LHFPL2: variants seen among roughly 807,000 people sequenced by gnomAD.
The protein encoded by LHFPL2 is LHFPL tetraspan subfamily member 2 protein.
Under a neutral mutation model 17.5 loss-of-function variants are expected in LHFPL2, and 7 were observed. The ratio of observed to expected loss-of-function variants is 0.40; its 90% CI spans 0.23 to 0.75. The LOEUF is 0.75. Among genes scored for constraint, LHFPL2 ranks in the 30% least tolerant of loss-of-function variants. The pLI is 0.37. For synonymous variants in LHFPL2, 134 were observed against 116.2 expected (o/e 1.15, Z -0.99); for missense variants, 241 against 294.8 (o/e 0.82, Z 1.34).
intron 3 of LHFPL2, among the ~76,000 whole-genome samples, chr5:78,525,020 T>C (rs549204158): frequency 6.6e-6 from 1 of 152,350 alleles, no homozygotes; most frequent in African/African-American, 2.4e-5. Flanking sequence ...CACTTGGGGC[T>C]GAATAATTCT....
At chr5:78,528,294 G>T (rs1372641768) in intron 3 of LHFPL2, among the ~76,000 whole-genome samples, 1 of 152,216 alleles carries the variant, frequency 6.6e-6, no homozygotes, top group Non-Finnish European at 1.5e-5. Flanking sequence ...TAGGAACTGG[G>T]CTGCACAGCA....
In LHFPL2 at chr5:78,638,578, G is replaced by A. The variant is rs76942426; in HGVS notation, c.-349-6210C>T. ...ACAATGTTAATGAGGTCGAGGTCACGGGTATGATTAGCTTCCTCTGTATCT... is the reference window on the plus strand; with the variant it reads ...ACAATGTTAATGAGGTCGAGGTCACAGGTATGATTAGCTTCCTCTGTATCT... On this transcript the variant is annotated intron_variant, in intron 1 of 4. Transcript: ENST00000380345. Among the ~76,000 whole-genome samples the A allele has an allele frequency of 3.7e-3, 568 of 152,268 alleles. 2 individuals are homozygous for A. Among genetic ancestry groups the A allele is most frequent in the Non-Finnish European group, 5.8e-3 (395 of 68,016 alleles).
intron 2 of LHFPL2, among the ~76,000 whole-genome samples, chr5:78,568,740 A>T (rs1756922273): frequency 6.6e-6 from 1 of 152,136 alleles, no homozygotes; most frequent in Non-Finnish European, 1.5e-5. Flanking sequence ...CAGAGGGGGA[A>T]AGTCTCAGCA....
intron 2 of LHFPL2, among the ~76,000 whole-genome samples, chr5:78,629,463 G>A (rs559724407): frequency 3.9e-5 from 6 of 152,326 alleles, no homozygotes; most frequent in Middle Eastern, 3.4e-3. Flanking sequence ...AAATGGAATA[G>A]AGCAAACTCT....
At chr5:78,506,357 C>A (rs1031161527) in intron 4 of LHFPL2, among the ~76,000 whole-genome samples, 1 of 152,224 alleles carries the variant, frequency 6.6e-6, no homozygotes, top group Non-Finnish European at 1.5e-5. Flanking sequence ...AGAACAAACA[C>A]AGCCTGAGTG....
At chr5:78,509,643 G>A (rs1475717788) in intron 4 of LHFPL2, 141 bp downstream of exon 4, 12 of 816,504 alleles carry the variant, frequency 1.5e-5, no homozygotes, top group Non-Finnish European at 2.4e-5. Flanking sequence ...CGCCTAGAAC[G>A]GAAGGGGCAA....
intron 2 of LHFPL2, among the ~76,000 whole-genome samples, chr5:78,575,505 C>T (rs1421631954): frequency 2.0e-5 from 3 of 151,966 alleles, no homozygotes; most frequent in African/African-American, 4.8e-5. Flanking sequence ...GCCAAGATTG[C>T]GCCACTGCAC....
chr5:78,526,519 A>G (rs1755625504), intron 3 of LHFPL2, among the ~76,000 whole-genome samples: 1 of 152,160 alleles, frequency 6.6e-6, no homozygotes, highest in African/African-American at 2.4e-5. Context: ...CATCCCAGTG[A>G]TATGCAGTTA....
chr5:78,621,944 C>G (rs1321804936), intron 2 of LHFPL2, among the ~76,000 whole-genome samples: 1 of 152,178 alleles, frequency 6.6e-6, no homozygotes, highest in African/African-American at 2.4e-5. Context: ...CAAGAATGGT[C>G]CTCACTAGTC....
At chr5:78,546,168 T>C (rs1035012461) in intron 3 of LHFPL2, among the ~76,000 whole-genome samples, 1 of 152,224 alleles carries the variant, frequency 6.6e-6, no homozygotes, top group African/African-American at 2.4e-5. Flanking sequence ...CACACATTGT[T>C]AAGATTATAC....
At chr5:78,490,746 C>CAAAAAAAAAAAAAAA (rs370809060) in intron 4 of LHFPL2, among the ~76,000 whole-genome samples, 17 of 92,124 alleles carry the variant, frequency 1.8e-4, no homozygotes, top group Middle Eastern at 6.0e-3. Flanking sequence ...GACTCCCTCT[C>CAAAAAAAAAAAAAAA]AAAAAAAAAA....
At chr5:78,500,859 G>A (rs957030473) in intron 4 of LHFPL2, among the ~76,000 whole-genome samples, 6 of 152,112 alleles carry the variant, frequency 3.9e-5, no homozygotes, top group Non-Finnish European at 7.3e-5. Context: ...AGTTACTTAT[G>A]CCATAACTGT....
chr5:78,548,418 G>A (rs777008095), intron 3 of LHFPL2, among the ~76,000 whole-genome samples: 1 of 152,188 alleles, frequency 6.6e-6, no homozygotes, highest in Non-Finnish European at 1.5e-5. Context: ...CTCACCAAAG[G>A]CCTGCTGAAA....
chr5:78,629,049 G>A (rs1745156892), intron 2 of LHFPL2, among the ~76,000 whole-genome samples: 1 of 152,102 alleles, frequency 6.6e-6, no homozygotes, highest in East Asian at 1.9e-4. Flanking sequence ...ATCATAGAAC[G>A]CAGAATATTT....
At chr5:78,607,861 C>A (rs1050221464) in intron 2 of LHFPL2, among the ~76,000 whole-genome samples, 1 of 152,182 alleles carries the variant, frequency 6.6e-6, no homozygotes, top group African/African-American at 2.4e-5. Context: ...CAAAGTCTAT[C>A]TTTGGTAGAT....
chr5:78,519,773 C>T (rs1030341526), intron 3 of LHFPL2, among the ~76,000 whole-genome samples: 10 of 152,254 alleles, frequency 6.6e-5, no homozygotes, highest in African/African-American at 2.4e-4. Context: ...GTCCCTTGAC[C>T]CGGCATAAAT....
intron 1 of LHFPL2, among the ~76,000 whole-genome samples, chr5:78,638,263 G>A (rs1360028467): frequency 1.3e-5 from 2 of 152,176 alleles, no homozygotes; most frequent in Non-Finnish European, 2.9e-5. Flanking sequence ...GCTGAGGCAG[G>A]AGAATGGTGT....
At chr5:78,497,571 T>G (rs7446492) in intron 4 of LHFPL2, among the ~76,000 whole-genome samples, 4,940 of 152,320 alleles carry the variant, frequency 0.032, 281 homozygotes, top group African/African-American at 0.11. Context: ...AACAGGTGCT[T>G]AGTAAATATT....
intron 2 of LHFPL2, among the ~76,000 whole-genome samples, chr5:78,590,597 T>C (rs1946953): frequency 0.39 from 59,872 of 152,088 alleles, 12,348 homozygotes; most frequent in Middle Eastern, 0.48. Flanking sequence ...AAGTGTAAAA[T>C]TGTTGGACAA....
Sources: gnomAD v4.1 joint callset for allele counts (sites outside exome capture counted in the v4.1 genomes callset) on GRCh38, gnomAD v4.1.1 for gene constraint, MANE v1.5 for transcripts, NCBI Gene and HGNC (gene_info 2026-07-23, HGNC 2026-07-21) for gene names.